RREB1: variants seen among roughly 807,000 people sequenced by gnomAD.
RREB1 encodes the protein ras responsive element binding protein 1, also known as ras-responsive element-binding protein 1.
Under a neutral mutation model 117.8 loss-of-function variants are expected in RREB1, and 27 were observed. That is an observed-to-expected ratio of 0.23 (90% CI 0.17 to 0.32). RREB1 has a LOEUF of 0.32. RREB1 is among the 10% of genes least tolerant of loss of function. RREB1 has a pLI of 1.00. For missense variants in RREB1, 2,577 were observed against 2,378.2 expected (o/e 1.08, Z -1.74); for synonymous variants, 1,298 against 1,026.7 (o/e 1.26, Z -5.05).
At position 7,226,642 on chromosome 6, in the gene RREB1, C is replaced by A; in HGVS notation, c.883C>A (p.Pro295Thr). 6.2e-7 allele frequency: 1 copy of A among 1,613,930 alleles called. No homozygotes were observed. ...GFTDFSCRKF[P>T]RISQAWCETN... is the part of the protein sequence containing the mutation. The stretch of plus-strand genomic sequence containing the variant: ...CACGGACTTCTCCTGTAGGAAGTTT[C>A]CTCGCATTTCTCAGGTATTCTGATC... The change falls in exon 9 of 13, where the codon CCT (proline) becomes ACT (threonine). Residue 295 changes from proline to threonine, a missense_variant. Physicochemically the swap from Pro to Thr is conservative, Grantham distance 38. Transcript: ENST00000379938.
chr6:7,187,943 A>G (rs1426423914), intron 5 of RREB1, among the ~76,000 whole-genome samples: 2 of 152,052 alleles, frequency 1.3e-5, no homozygotes, highest in East Asian at 3.9e-4. Context: ...ATCACTTGAG[A>G]TCAGGATTTG....
chr6:7,209,782 G>C (rs1340034574), intron 6 of RREB1, among the ~76,000 whole-genome samples: 1 of 151,978 alleles, frequency 6.6e-6, no homozygotes, highest in Non-Finnish European at 1.5e-5. Context: ...TCAGAAGGTT[G>C]ACAGGATAGC....
intron 9 of RREB1, among the ~76,000 whole-genome samples, chr6:7,228,768 G>A (rs1289750171): frequency 2.0e-5 from 3 of 151,830 alleles, no homozygotes; most frequent in African/African-American, 7.3e-5. Context: ...TCAGTCTCTG[G>A]AGTAGCTGGG....
At chr6:7,157,066 CTCT>C (rs1301849668) in intron 1 of RREB1, among the ~76,000 whole-genome samples, 2 of 152,190 alleles carry the variant, frequency 1.3e-5, no homozygotes, top group Non-Finnish European at 2.9e-5. Flanking sequence ...AATCCATCAG[CTCT>C]TCTTTTCTCT....
chr6:7,180,058 T>G (rs1371588871), intron 2 of RREB1, among the ~76,000 whole-genome samples: 2 of 152,186 alleles, frequency 1.3e-5, no homozygotes, highest in Non-Finnish European at 2.9e-5. Context: ...GTAGCTTTCT[T>G]CTCTTTATGG....
Position 7,249,098 on chromosome 6 carries a change from AGAGAGACAAG to A in RREB1, c.*131_*140del. The A allele has an allele frequency of 1.3e-6, 1 of 745,838 alleles. No individual in the cohort carries two copies. 46.2% of individuals were successfully genotyped at this position (745,838 alleles called of 1,614,324 possible). On this transcript the variant is annotated 3_prime_UTR_variant, in exon 13 of 13. Coordinates refer to ENST00000379938, the MANE Select transcript of RREB1 (RefSeq NM_001003699.4). The stretch of plus-strand genomic sequence containing the variant: ...GAGAGAGAGAGAGAGAGAGAGAGAG[AGAGAGACAAG>A]CAGGAGCGTGGCTGCTCGCTCAGTG...
At chr6:7,213,915 G>T (rs989074240) in intron 8 of RREB1, 1 of 152,228 alleles carries the variant, frequency 6.6e-6, no homozygotes, top group Non-Finnish European at 1.5e-5. Flanking sequence ...GAAAAATAAT[G>T]TGGCTCCCAC....
chr6:7,131,915 G>A (rs374930082), intron 1 of RREB1, among the ~76,000 whole-genome samples: 1 of 151,794 alleles, frequency 6.6e-6, no homozygotes, highest in Non-Finnish European at 1.5e-5. Context: ...CTGGAGTGCA[G>A]TGGTGTGATC....
chr6:7,140,767 T>C (rs1762529981), intron 1 of RREB1: 1 of 152,142 alleles, frequency 6.6e-6, no homozygotes, highest in Non-Finnish European at 1.5e-5. Flanking sequence ...TTCCTTAGGG[T>C]GGTGTCCCTA....
rs1479093238 is a variant in RREB1, at chr6:7,181,894, G to A, written c.-18G>A. ...GTTTTATAGCAGAGGCTTCTTAGAA[G>A]CTTAAACCCCTGTCCCAATGACGTC... is the stretch of plus-strand genomic sequence containing the variant. On this transcript the variant is annotated 5_prime_UTR_variant, in exon 4 of 13. Coordinates refer to ENST00000379938, the MANE Select transcript of RREB1 (RefSeq NM_001003699.4). The A allele has an allele frequency of 8.1e-6, 13 of 1,613,988 alleles. No individual in the cohort carries two copies. The highest frequency in any genetic ancestry group is 1.0e-5 in the Non-Finnish European group (12 of 1,179,950).
At chr6:7,175,036 C>A (rs1430288043) in intron 1 of RREB1, among the ~76,000 whole-genome samples, 4 of 151,918 alleles carry the variant, frequency 2.6e-5, no homozygotes, top group Admixed American at 6.6e-5. Context: ...TAGAAAAAAA[C>A]CAAAGGGCTA....
chr6:7,190,595 G>C (rs1765350891), intron 6 of RREB1, among the ~76,000 whole-genome samples: 1 of 152,162 alleles, frequency 6.6e-6, no homozygotes, highest in Admixed American at 6.5e-5. Context: ...AGTCCTGATG[G>C]GTTATTCTCT....
chr6:7,227,017 G>A (rs747224656), intron 9 of RREB1, among the ~76,000 whole-genome samples: 3 of 152,208 alleles, frequency 2.0e-5, no homozygotes, highest in Non-Finnish European at 4.4e-5. Context: ...AAGGCAGGAA[G>A]ATCATTTGAG....
chr6:7,202,112 G>C (rs1323754076), intron 6 of RREB1, among the ~76,000 whole-genome samples: 1 of 152,194 alleles, frequency 6.6e-6, no homozygotes, highest in Admixed American at 6.5e-5. Context: ...TCAGTGGCCC[G>C]TAAGTAATAT....
intron 1 of RREB1, chr6:7,140,958 C>T (rs536567093): frequency 3.7e-4 from 56 of 152,566 alleles, no homozygotes; most frequent in African/African-American, 1.3e-3. Flanking sequence ...GGTGCCTTCC[C>T]TCAGAGGCGG....
At chr6:7,211,337 CAGATGGATGGATGGATGGATGGAT>C (rs1766582223) in intron 7 of RREB1, among the ~76,000 whole-genome samples, 1 of 54,696 alleles carries the variant, frequency 1.8e-5, no homozygotes, top group Admixed American at 1.5e-4. Flanking sequence ...GATGGATGGA[CAGATGGATGGATGGATGGATGGAT>C]GGATGGATGG....
At position 7,146,795 on chromosome 6, in the gene RREB1, T is replaced by C. The variant is rs942629959; in HGVS notation, c.-284-29860T>C. 1.0e-4 allele frequency among the ~76,000 whole-genome samples: 14 copies of C among 138,442 alleles called. No homozygotes were observed. In the East Asian group the frequency reaches 3.0e-3, roughly 29 times the overall value. The allele number at this position is 138,442 out of a possible 152,430, so 90.8% of individuals were successfully genotyped here. The stretch of plus-strand genomic sequence containing the variant: ...TTTTTTTTTGGTGGGGAGGAGGTGG[T>C]GGGGGAGGGAGAGGAAAAGGAGCTC... On this transcript the variant is annotated intron_variant, in intron 1 of 12. Transcript: ENST00000379938.
chr6:7,246,071 G>C (rs528140414), intron 11 of RREB1, among the ~76,000 whole-genome samples: 3 of 152,280 alleles, frequency 2.0e-5, no homozygotes, highest in Admixed American at 2.0e-4. Flanking sequence ...CTAGCGCTGC[G>C]AGTCTCTGGA....
intron 12 of RREB1, 64 bp downstream of exon 12, chr6:7,247,285 A>C: frequency 6.8e-7 from 1 of 1,476,864 alleles, no homozygotes; most frequent in South Asian, 1.3e-5. Flanking sequence ...CTCTCCTAGG[A>C]GCTCCCCTGA....
Sources: gnomAD v4.1 joint callset for allele counts (sites outside exome capture counted in the v4.1 genomes callset) on GRCh38, gnomAD v4.1.1 for gene constraint, MANE v1.5 for transcripts, NCBI Gene and HGNC (gene_info 2026-07-23, HGNC 2026-07-21) for gene names.